DISP1: variants seen among roughly 807,000 people sequenced by gnomAD.
The protein encoded by DISP1 is dispatched RND transporter family member 1, also known as protein dispatched homolog 1.
A neutral mutation model predicts 37.3 loss-of-function variants in DISP1; 30 were observed. That is an observed-to-expected ratio of 0.80 (90% CI 0.60 to 1.09). The LOEUF is 1.09. Among genes scored for constraint, DISP1 ranks in the 50% least tolerant of loss-of-function variants. DISP1 has a pLI of 0.00. For synonymous variants in DISP1, 634 were observed against 690.2 expected (o/e 0.92, Z 1.28); for missense variants, 1,598 against 1,879.5 (o/e 0.85, Z 2.77).
chr1:222,963,735 G>T (rs545843090), intron 3 of DISP1, among the ~76,000 whole-genome samples: 145 of 151,894 alleles, frequency 9.5e-4, no homozygotes, highest in African/African-American at 3.4e-3. Flanking sequence ...TGGACACTGG[G>T]GGGGAACAAC....
chr1:222,917,439 C>T (rs1011513840), intron 1 of DISP1, among the ~76,000 whole-genome samples: 6 of 152,058 alleles, frequency 3.9e-5, no homozygotes, highest in East Asian at 1.9e-4. Context: ...ACTGACCAGA[C>T]GAACAAGAAA....
rs902109375 is a variant in DISP1, at chr1:223,004,188, T to C, written c.2791T>C (p.Tyr931His). 6.2e-7 allele frequency: 1 copy of C among 1,614,224 alleles called. No individual in the cohort carries two copies. Among genetic ancestry groups the C allele is most frequent in the Admixed American group, 1.7e-5 (1 of 60,034 alleles). The part of the protein sequence containing the change: ...RAVVLEFQST[Y>H]LFTLAYEKMH... The stretch of plus-strand genomic sequence containing the variant: ...AGTGGTGTTAGAGTTCCAGAGTACC[T>C]ACCTCTTCACACTGGCTTATGAAAA... Residue 931 changes from tyrosine to histidine, a missense_variant, in exon 9 of 9, where the codon TAC (tyrosine) becomes CAC (histidine). Coordinates refer to ENST00000675850, the MANE Select transcript of DISP1 (RefSeq NM_001377229.1). This position sits in a 1 kb window ranked among gnomAD's most constrained non-coding sequence, Gnocchi z 4.9.
chr1:223,005,587 G>A lies in DISP1; in HGVS notation c.4190G>A (p.Arg1397Lys). 1 of 1,614,132 alleles carries A rather than the reference G, an allele frequency of 6.2e-7. No individual in the cohort carries two copies. The highest frequency in any genetic ancestry group is 8.5e-7 in the Non-Finnish European group (1 of 1,180,028). Residue 1397 changes from arginine to lysine, a missense_variant, in exon 9 of 9, where the codon AGA (arginine) becomes AAA (lysine). Arg to Lys is a conservative substitution (Grantham distance 26). Coordinates refer to ENST00000675850, the MANE Select transcript of DISP1 (RefSeq NM_001377229.1). Reference protein sequence around the residue: ...KMAEPSSFVCRSTGSLLKTCC... With the variant: ...KMAEPSSFVCKSTGSLLKTCC... ...GCAGAGCCATCGTCATTTGTCTGCA[G>A]AAGCACTGGATCGTTACTCAAAACG... is the stretch of plus-strand genomic sequence containing the variant.
intron 1 of DISP1, among the ~76,000 whole-genome samples, chr1:222,816,324 C>G (rs1661245983): frequency 6.6e-6 from 1 of 152,050 alleles, no homozygotes. Flanking sequence ...TATAGTGTTT[C>G]ACTCAGTGTA....
intron 7 of DISP1, 63 bp downstream of exon 7, chr1:222,992,173 A>G (rs1461317611): frequency 6.2e-6 from 8 of 1,283,264 alleles, no homozygotes; most frequent in Non-Finnish European, 9.1e-6. Context: ...ATTGAACATG[A>G]TCACAGTCTA....
chr1:222,861,668 C>T (rs1013364700), intron 1 of DISP1, among the ~76,000 whole-genome samples: 2 of 152,046 alleles, frequency 1.3e-5, no homozygotes, highest in African/African-American at 4.8e-5. Context: ...TTTCATCATT[C>T]GTTATTTCTG....
At chr1:222,913,135 T>G (rs1672301715) in intron 1 of DISP1, among the ~76,000 whole-genome samples, 1 of 152,192 alleles carries the variant, frequency 6.6e-6, no homozygotes, top group Non-Finnish European at 1.5e-5. Flanking sequence ...TAGAAAGGTT[T>G]GTTTTGATGT....
intron 2 of DISP1, among the ~76,000 whole-genome samples, chr1:222,938,066 G>A (rs1333812007): frequency 1.3e-5 from 2 of 151,804 alleles, no homozygotes; most frequent in Non-Finnish European, 2.9e-5. Flanking sequence ...TAGAGACAAG[G>A]TCTCACTATA....
At chr1:222,952,618 G>A (rs2971997) in intron 3 of DISP1, among the ~76,000 whole-genome samples, 127 of 152,238 alleles carry the variant, frequency 8.3e-4, no homozygotes, top group Non-Finnish European at 1.5e-3. Context: ...TTGGGAGGCC[G>A]AGGCAGGCGG....
chr1:222,842,639 A>G (rs1320841526), intron 1 of DISP1, among the ~76,000 whole-genome samples: 2 of 152,090 alleles, frequency 1.3e-5, no homozygotes, highest in Admixed American at 6.6e-5. Flanking sequence ...GAACAATTGC[A>G]TAAATACTGC....
chr1:222,936,784 T>TG (rs1673814963), intron 2 of DISP1, among the ~76,000 whole-genome samples: 2 of 78,914 alleles, frequency 2.5e-5, no homozygotes, highest in African/African-American at 1.0e-4. Context: ...ATATCATATA[T>TG]AATATATATA....
chr1:222,843,699 G>T (rs985450653), intron 1 of DISP1, among the ~76,000 whole-genome samples: 2 of 152,208 alleles, frequency 1.3e-5, no homozygotes, highest in East Asian at 3.9e-4. Flanking sequence ...TAAAAGTCCA[G>T]ATTGAAGGCC....
At chr1:222,860,100 AGGCT>A (rs1432861644) in intron 1 of DISP1, among the ~76,000 whole-genome samples, 4 of 152,200 alleles carry the variant, frequency 2.6e-5, no homozygotes, top group Non-Finnish European at 4.4e-5. Context: ...CTTGTTGCCC[AGGCT>A]GGAGTGCAAT....
In DISP1 at chr1:222,943,198, A is replaced by C. The variant is rs954497761; in HGVS notation, c.375A>C (p.Ala125=). ...TGCAGCCACACTCCGAGTATTCTGC[A>C]TCTCTTTGTCCAAATCATTCACCTG... is the stretch of plus-strand genomic sequence containing the variant. The part of the protein sequence containing the change: ...CCMQPHSEYS[A]SLCPNHSPVY... The change falls in exon 3 of 9, where the codon GCA becomes GCC. Residue 125 remains alanine (A), a synonymous_variant. Transcript: ENST00000675850. The C allele has an allele frequency of 6.2e-7, 1 of 1,610,080 alleles. No individual in the cohort carries two copies. Among genetic ancestry groups the C allele is most frequent in the South Asian group, 1.1e-5 (1 of 90,964 alleles).
intron 4 of DISP1, among the ~76,000 whole-genome samples, chr1:222,989,806 GTTT>G: frequency 7.1e-6 from 1 of 141,488 alleles, no homozygotes. Context: ...GTTTAGTTTA[GTTT>G]TTTTTTTTTT....
intron 1 of DISP1, among the ~76,000 whole-genome samples, chr1:222,825,501 T>C (rs191180400): frequency 0.095 from 13,697 of 143,984 alleles, 697 homozygotes; most frequent in African/African-American, 0.13. Flanking sequence ...CTGTTTCTCT[T>C]TTTTTTTTTT....
At chr1:222,839,166 A>G (rs1011070824) in intron 1 of DISP1, among the ~76,000 whole-genome samples, 1 of 152,188 alleles carries the variant, frequency 6.6e-6, no homozygotes, top group Non-Finnish European at 1.5e-5. Context: ...TGGGCCGCAC[A>G]GCAGAAGGTA....
intron 1 of DISP1, among the ~76,000 whole-genome samples, chr1:222,884,273 T>C (rs1670451900): frequency 2.0e-5 from 3 of 152,204 alleles, no homozygotes; most frequent in South Asian, 2.1e-4. Context: ...TAATATCTTA[T>C]ATAACCATAG....
intron 3 of DISP1, among the ~76,000 whole-genome samples, chr1:222,980,343 C>CT (rs1677739100): frequency 6.6e-6 from 1 of 151,818 alleles, no homozygotes; most frequent in African/African-American, 2.4e-5. Flanking sequence ...CAGAGAGAAA[C>CT]TTACAAAGTT....
Sources: allele counts gnomAD v4.1 joint callset (sites outside exome capture counted in the v4.1 genomes callset), GRCh38; gene constraint gnomAD v4.1.1; non-coding constraint Gnocchi (gnomAD v3.1); transcripts MANE v1.5; gene names NCBI Gene and HGNC (gene_info 2026-07-23, HGNC 2026-07-21).